The following POU6F2 variants were observed in gnomAD, a reference collection of about 807,000 sequenced individuals.
POU6F2 encodes POU class 6 homeobox 2.
A neutral mutation model predicts 71.3 loss-of-function variants in POU6F2; 31 were observed. That is an observed-to-expected ratio of 0.43 (90% CI 0.33 to 0.59). The LOEUF is 0.59. Among genes scored for constraint, POU6F2 ranks in the 20% least tolerant of loss-of-function variants. The pLI, the probability that POU6F2 is intolerant of heterozygous loss-of-function variation, is 0.04. For synonymous variants in POU6F2, 347 were observed against 355.7 expected, an observed-to-expected ratio of 0.98 and a Z score of 0.27; for missense variants, 783 against 856.8, an observed-to-expected ratio of 0.91 and a Z score of 1.07.
At chr7:39,022,856 T>C (rs1789709848) in intron 1 of POU6F2, among the ~76,000 whole-genome samples, 1 of 152,030 alleles carries the variant, frequency 6.6e-6, no homozygotes, top group African/African-American at 2.4e-5. Context: ...TTCTTTGGGG[T>C]AAATACCAAG....
intron 1 of POU6F2, among the ~76,000 whole-genome samples, chr7:39,047,536 T>C (rs1790316189): frequency 6.6e-6 from 1 of 151,912 alleles, no homozygotes; most frequent in African/African-American, 2.4e-5. Context: ...GCAACGACAA[T>C]AGATTTTTTG....
chr7:39,361,309 GT>G (rs1194134414), intron 5 of POU6F2, among the ~76,000 whole-genome samples: 1 of 152,212 alleles, frequency 6.6e-6, no homozygotes, highest in Non-Finnish European at 1.5e-5. Context: ...CAAGTATGCT[GT>G]TTTTCTCCCA....
At chr7:39,279,130 T>C (rs1431222732) in intron 4 of POU6F2, among the ~76,000 whole-genome samples, 1 of 152,030 alleles carries the variant, frequency 6.6e-6, no homozygotes, top group Non-Finnish European at 1.5e-5. Flanking sequence ...CTCTTGCCAA[T>C]CTCACCTCAT....
chr7:39,042,980 T>C (rs538289298), intron 1 of POU6F2, among the ~76,000 whole-genome samples: 5 of 152,088 alleles, frequency 3.3e-5, no homozygotes, highest in African/African-American at 7.2e-5. Context: ...ATGAATAACA[T>C]TGGCAATTTG....
At chr7:39,461,221 A>G (rs796330711) in intron 9 of POU6F2, among the ~76,000 whole-genome samples, 1 of 152,252 alleles carries the variant, frequency 6.6e-6, no homozygotes, top group Non-Finnish European at 1.5e-5. Flanking sequence ...TTAAAAGCAC[A>G]TTTATAAGAA....
At chr7:39,091,369 A>G (rs1791361037) in intron 2 of POU6F2, among the ~76,000 whole-genome samples, 1 of 152,212 alleles carries the variant, frequency 6.6e-6, no homozygotes, top group African/African-American at 2.4e-5. Context: ...AGGAAGTTCA[A>G]TATTGCAGTG....
At chr7:39,266,952 A>G (rs529157697) in intron 4 of POU6F2, among the ~76,000 whole-genome samples, 57 of 152,130 alleles carry the variant, frequency 3.7e-4, no homozygotes, top group African/African-American at 1.2e-3. Flanking sequence ...TATTCCCCCT[A>G]TGTAGTGGTA....
chr7:39,030,139 A>G (rs1388178925), intron 1 of POU6F2, among the ~76,000 whole-genome samples: 2 of 151,972 alleles, frequency 1.3e-5, no homozygotes, highest in Admixed American at 6.6e-5. Context: ...ATCTGAGTCA[A>G]TGTGTGGTGT....
intron 2 of POU6F2, among the ~76,000 whole-genome samples, chr7:39,106,409 A>T (rs1409815118): frequency 6.6e-6 from 1 of 152,218 alleles, no homozygotes; most frequent in Non-Finnish European, 1.5e-5. Context: ...CTAATGCTAT[A>T]ACTGTGCTGT....
intron 2 of POU6F2, among the ~76,000 whole-genome samples, chr7:39,188,712 G>T (rs1020339871): frequency 4.6e-5 from 7 of 152,228 alleles, no homozygotes; most frequent in Admixed American, 3.3e-4. Flanking sequence ...ATTTTCTAAA[G>T]TCTAGGCACA....
intron 1 of POU6F2, among the ~76,000 whole-genome samples, chr7:39,029,761 A>G (rs1295909656): frequency 1.3e-5 from 2 of 152,192 alleles, no homozygotes; most frequent in Non-Finnish European, 2.9e-5. Context: ...TCATGAAATT[A>G]TTATCAAATG....
At chr7:39,082,212 T>A (rs1584533268) in intron 1 of POU6F2, among the ~76,000 whole-genome samples, 1 of 152,372 alleles carries the variant, frequency 6.6e-6, no homozygotes, top group East Asian at 1.9e-4. Flanking sequence ...AAACTACTTC[T>A]GCTTCTCCTT....
rs78880587 is a variant in POU6F2 at position 39,203,956 on chromosome 7, C to T, written c.278-279C>T. ...TTAGGAAACTAGATTAGCTGTGGCT[C>T]GCCTGTACTTAAAGGTTGCAGCTTC... On this transcript the variant is annotated intron_variant, in intron 2 of 9. Transcript: ENST00000518318. 8.1e-4 allele frequency among the ~76,000 whole-genome samples: 123 copies of T among 152,152 alleles called. 3 individuals carry two copies. In the East Asian group the frequency reaches 0.023, roughly 29 times the overall value.
intron 4 of POU6F2, among the ~76,000 whole-genome samples, chr7:39,304,299 C>G (rs1408727653): frequency 6.6e-6 from 1 of 152,102 alleles, no homozygotes; most frequent in Non-Finnish European, 1.5e-5. Flanking sequence ...AAAGAGAAAA[C>G]AAACTACAGA....
chr7:39,242,297 T>A (rs1257731391), intron 4 of POU6F2, among the ~76,000 whole-genome samples: 2 of 152,162 alleles, frequency 1.3e-5, no homozygotes, highest in Non-Finnish European at 2.9e-5. Context: ...GTGGTTGTGC[T>A]GCTTTGCAAT....
chr7:39,043,051 A>G (rs1790221602), intron 1 of POU6F2, among the ~76,000 whole-genome samples: 1 of 151,932 alleles, frequency 6.6e-6, no homozygotes, highest in African/African-American at 2.4e-5. Flanking sequence ...GGATCCCAGA[A>G]AGGATAATGG....
chr7:39,009,700 A>G (rs904892903), intron 1 of POU6F2, among the ~76,000 whole-genome samples: 10 of 151,972 alleles, frequency 6.6e-5, no homozygotes, highest in African/African-American at 2.4e-4. Flanking sequence ...ACGTCCCATC[A>G]ATACCTAATT....
chr7:39,283,050 C>T (rs898650919), intron 4 of POU6F2, among the ~76,000 whole-genome samples: 15 of 151,934 alleles, frequency 9.9e-5, no homozygotes, highest in African/African-American at 1.4e-4. Flanking sequence ...CTATTGTTAA[C>T]GGGATTGCTT....
intron 2 of POU6F2, among the ~76,000 whole-genome samples, chr7:39,200,892 T>C (rs1437870356): frequency 6.6e-6 from 1 of 151,178 alleles, no homozygotes; most frequent in East Asian, 1.9e-4. Context: ...CTGGGTGTAG[T>C]GGCTCGCTCC....
Sources: gnomAD v4.1 joint callset for allele counts (sites outside exome capture counted in the v4.1 genomes callset) on GRCh38, gnomAD v4.1.1 for gene constraint, MANE v1.5 for transcripts, NCBI Gene and HGNC (gene_info 2026-07-23, HGNC 2026-07-21) for gene names.